The following BRAF variants were observed in gnomAD, a reference collection of about 807,000 sequenced individuals.
BRAF encodes the protein B-Raf proto-oncogene, serine/threonine kinase, also known as serine/threonine-protein kinase B-raf.
In BRAF, 16 loss-of-function variants were observed where a neutral mutation model predicts 104.6. That is an observed-to-expected ratio of 0.15 (90% CI 0.10 to 0.23). The LOEUF (loss-of-function observed/expected upper bound fraction) is 0.23. BRAF is among the 10% of genes least tolerant of loss of function. BRAF has a pLI of 1.00. For synonymous variants in BRAF, 310 were observed against 341.6 expected (o/e 0.91, Z 1.02); for missense variants, 541 against 937.3 (o/e 0.58, Z 5.52).
chr7:140,919,751 C>A (rs1368474813), intron 1 of BRAF, among the ~76,000 whole-genome samples: 1 of 152,064 alleles, frequency 6.6e-6, no homozygotes, highest in African/African-American at 2.4e-5. Flanking sequence ...AAAAGCAGTA[C>A]TTGACACCTT....
chr7:140,811,337 T>C (rs921392726), intron 3 of BRAF, among the ~76,000 whole-genome samples: 1 of 152,120 alleles, frequency 6.6e-6, no homozygotes, highest in African/African-American at 2.4e-5. Flanking sequence ...TAAAGCATAC[T>C]GTCCAGAGGC....
In BRAF at chr7:140,924,129, A is replaced by AT. The variant is rs1818576161; in HGVS notation, c.138+436dup. Among the ~76,000 whole-genome samples the AT allele has an allele frequency of 6.6e-6, 1 of 152,150 alleles. No individual in the cohort carries two copies. The highest frequency in any genetic ancestry group is 2.1e-4 in the South Asian group (1 of 4,830). ...GATGAGCCCCATCATCCCCACGACC[A>AT]TGTAAGAATTACACGCGACAGTAAC... On this transcript the variant is annotated intron_variant, in intron 1 of 19. Coordinates refer to ENST00000644969, the MANE Select transcript of BRAF (RefSeq NM_001374258.1). This position sits in a 1 kb window ranked among gnomAD's most constrained non-coding sequence, Gnocchi z 4.2.
intron 17 of BRAF, among the ~76,000 whole-genome samples, chr7:140,746,175 T>C (rs1797331613): frequency 6.6e-6 from 1 of 152,186 alleles, no homozygotes; most frequent in South Asian, 2.1e-4. Flanking sequence ...ACTGGAATAA[T>C]ACACTTGAAA....
intron 1 of BRAF, among the ~76,000 whole-genome samples, chr7:140,885,855 G>C (rs188030083): frequency 1.1e-4 from 17 of 152,336 alleles, no homozygotes; most frequent in Non-Finnish European, 1.6e-4. Context: ...GTTTTGTTAA[G>C]TGTATGTGGG....
At chr7:140,902,726 AGTT>A (rs1207594455) in intron 1 of BRAF, among the ~76,000 whole-genome samples, 7 of 152,192 alleles carry the variant, frequency 4.6e-5, no homozygotes, top group African/African-American at 1.7e-4. Flanking sequence ...TGAGGCCAGG[AGTT>A]TGAGACCAGC....
intron 1 of BRAF, among the ~76,000 whole-genome samples, chr7:140,876,973 A>C (rs1329243828): frequency 2.6e-5 from 4 of 152,218 alleles, no homozygotes; most frequent in Non-Finnish European, 5.9e-5. Flanking sequence ...CTAGAAATAG[A>C]AAGTTAATAG....
chr7:140,837,070 T>C (rs1807420505), intron 2 of BRAF, among the ~76,000 whole-genome samples: 2 of 152,308 alleles, frequency 1.3e-5, no homozygotes, highest in South Asian at 4.1e-4. Context: ...TTTTGTTAAG[T>C]ACAAAACATC....
intron 1 of BRAF, among the ~76,000 whole-genome samples, chr7:140,896,758 C>T (rs775873057): frequency 1.3e-5 from 2 of 149,826 alleles, no homozygotes; most frequent in African/African-American, 2.5e-5. Context: ...CCCAGCTACT[C>T]GGAAGGCTGA....
At chr7:140,730,225 G>A (rs1452254403) in intron 19 of BRAF, among the ~76,000 whole-genome samples, 2 of 151,652 alleles carry the variant, frequency 1.3e-5, no homozygotes, top group South Asian at 2.1e-4. Flanking sequence ...CTCTGCTTGT[G>A]TGAAGTTATT....
chr7:140,779,465 T>C (rs1256407942), intron 12 of BRAF, among the ~76,000 whole-genome samples: 1 of 152,174 alleles, frequency 6.6e-6, no homozygotes, highest in Non-Finnish European at 1.5e-5. Context: ...GGACCAGAAG[T>C]GTCTCAAATT....
At chr7:140,811,869 T>C (rs1804304727) in intron 3 of BRAF, among the ~76,000 whole-genome samples, 2 of 152,328 alleles carry the variant, frequency 1.3e-5, no homozygotes, top group Admixed American at 6.5e-5. Context: ...AGTGAATTTA[T>C]AGACCATAAC....
chr7:140,720,041 G>A lies in BRAF; in HGVS notation c.*6453C>T. Reference sequence around the variant, plus strand: ...CTCAAACCAAGGAATACATGAAAAGGGGGGATTTCCTTTTTCTTGGTCTAA... The same window carrying A: ...CTCAAACCAAGGAATACATGAAAAGAGGGGATTTCCTTTTTCTTGGTCTAA... On this transcript the variant is annotated 3_prime_UTR_variant, in exon 20 of 20. Transcript: ENST00000644969. 1 of 1,061,466 alleles carries A rather than the reference G, an allele frequency of 9.4e-7. No homozygotes were observed. The highest frequency in any genetic ancestry group is 1.1e-6 in the Non-Finnish European group (1 of 876,900). 65.8% of individuals were successfully genotyped at this position (1,061,466 alleles called of 1,614,324 possible).
chr7:140,793,386 G>C (rs531163267), intron 8 of BRAF, among the ~76,000 whole-genome samples: 1 of 152,054 alleles, frequency 6.6e-6, no homozygotes, highest in Admixed American at 6.5e-5. Context: ...AGGAAAACTA[G>C]TACTAGAAAA....
At chr7:140,909,809 AAAC>A (rs142186028) in intron 1 of BRAF, among the ~76,000 whole-genome samples, 20,250 of 148,624 alleles carry the variant, frequency 0.14, 2,234 homozygotes, top group African/African-American at 0.32. Context: ...CTCCGTCTCA[AAAC>A]AACAACAACA....
intron 5 of BRAF, among the ~76,000 whole-genome samples, chr7:140,805,462 T>C (rs1803566472): frequency 6.6e-6 from 1 of 152,156 alleles, no homozygotes; most frequent in South Asian, 2.1e-4. Flanking sequence ...ATCATAAATT[T>C]TAAGCAATAT....
rs368801810 is a variant in BRAF, at chr7:140,905,316, GCTATATTTCAGGTTATA to G, written c.138+19233_138+19249del. 4.3e-4 allele frequency among the ~76,000 whole-genome samples: 66 copies of G among 152,230 alleles called. 1 individual carries two copies. The highest frequency in any genetic ancestry group is 1.2e-3 in the African/African-American group (48 of 41,542). The stretch of plus-strand genomic sequence containing the variant: ...TAACTTTTGCTATAAATATTCTAAA[GCTATATTTCAGGTTATA>G]CTATATTACTAAGGCTATTAAATCT... On this transcript the variant is annotated intron_variant, in intron 1 of 19. Transcript: ENST00000644969.
At position 140,789,972 on chromosome 7, in the gene BRAF, C is replaced by T. The variant is rs1308511029; in HGVS notation, c.1141-2388G>A. Among the ~76,000 whole-genome samples, 6 of 152,296 alleles carry T rather than the reference C, an allele frequency of 3.9e-5. No homozygotes were observed. In the South Asian group the frequency reaches 6.2e-4, roughly 16 times the overall value. On this transcript the variant is annotated intron_variant, in intron 8 of 19. Coordinates refer to ENST00000644969, the MANE Select transcript of BRAF (RefSeq NM_001374258.1). ...CTTGAACTCCTGACCTCAGGCGATC[C>T]GCCTGCCTTGGCCTCCCAAAGTGCT...
At chr7:140,847,108 C>A (rs1451407478) in intron 2 of BRAF, among the ~76,000 whole-genome samples, 1 of 152,020 alleles carries the variant, frequency 6.6e-6, no homozygotes, top group Non-Finnish European at 1.5e-5. Context: ...GAGCTGAGAT[C>A]GTGCTACTGC....
intron 1 of BRAF, among the ~76,000 whole-genome samples, chr7:140,855,753 C>A (rs1350797225): frequency 6.6e-6 from 1 of 152,000 alleles, no homozygotes; most frequent in East Asian, 1.9e-4. Context: ...CGTACAATGG[C>A]TCATTCCTGT....
Sources: allele counts gnomAD v4.1 joint callset (sites outside exome capture counted in the v4.1 genomes callset), GRCh38; gene constraint gnomAD v4.1.1; non-coding constraint Gnocchi (gnomAD v3.1); transcripts MANE v1.5; gene names NCBI Gene and HGNC (gene_info 2026-07-23, HGNC 2026-07-21).